The following GCSAML variants were observed in gnomAD, a reference collection of about 807,000 sequenced individuals.
The protein encoded by GCSAML is germinal center-associated signaling and motility-like protein.
A neutral mutation model predicts 13.0 loss-of-function variants in GCSAML; 9 were observed. The ratio of observed to expected loss-of-function variants is 0.69; its 90% CI spans 0.42 to 1.21. GCSAML has a LOEUF of 1.21. Among genes scored for constraint, GCSAML ranks in the 50% most tolerant of loss-of-function variants. The probability of loss-of-function intolerance (pLI) is 0.00; values close to 1 mark genes in which losing one functional copy is unlikely to be tolerated. For synonymous variants in GCSAML, 37 were observed against 52.9 expected, an observed-to-expected ratio of 0.70 and a Z score of 1.31; for missense variants, 143 against 153.4, an observed-to-expected ratio of 0.93 and a Z score of 0.36.
In GCSAML at chr1:247,567,791, C is replaced by G. The variant is rs796683320; in HGVS notation, c.168+1832C>G. On this transcript the variant is annotated intron_variant, in intron 4 of 4. Transcript: ENST00000366488. ...ATGGTTGAACTAGTTTATACTCCCACCAACAGTGTAAAAGCGTTCCTATTT... is the reference window on the plus strand; with the variant it reads ...ATGGTTGAACTAGTTTATACTCCCAGCAACAGTGTAAAAGCGTTCCTATTT... 7.9e-5 allele frequency among the ~76,000 whole-genome samples: 12 copies of G among 152,306 alleles called. No individual in the cohort carries two copies. In the East Asian group the frequency reaches 1.5e-3, roughly 20 times the overall value.
In GCSAML at chr1:247,532,130, A is replaced by C. The variant is rs1471481264; in HGVS notation, c.-148+5076A>C. On this transcript the variant is annotated intron_variant, in intron 2 of 5. Coordinates refer to the GCSAML transcript ENST00000366489. ...ATGACAGTGTAATGGAGTGGCCTGCAGATGGCAGCGTAGCGGTCATAGGAC... is the reference window on the plus strand; with the variant it reads ...ATGACAGTGTAATGGAGTGGCCTGCCGATGGCAGCGTAGCGGTCATAGGAC... 5 of 1,614,008 alleles carry C rather than the reference A, an allele frequency of 3.1e-6. No homozygotes were observed. In the Admixed American group the frequency reaches 8.3e-5, roughly 27 times the overall value.
upstream of GCSAML, among the ~76,000 whole-genome samples, chr1:247,545,561 A>G (rs1276502095): frequency 2.0e-5 from 3 of 152,236 alleles, no homozygotes; most frequent in Non-Finnish European, 4.4e-5. Context: ...AAATGTATTT[A>G]ATCATAGTCA....
chr1:247,560,161 TTAGA>T (rs1668075472), intron 2 of GCSAML, among the ~76,000 whole-genome samples: 1 of 152,190 alleles, frequency 6.6e-6, no homozygotes, highest in African/African-American at 2.4e-5. Flanking sequence ...CAGCCCGGAC[TTAGA>T]TAGGTTTGGA....
At chr1:247,528,390 G>A (rs6692111) in intron 2 of GCSAML, 144,370 of 152,254 alleles carry the variant, frequency 0.95, 68,908 homozygotes, top group South Asian at 1. Flanking sequence ...TGGTGAGAGC[G>A]TTCAAAATCC....
chr1:247,565,012 C>G (rs1476702085), intron 3 of GCSAML, among the ~76,000 whole-genome samples: 1 of 152,126 alleles, frequency 6.6e-6, no homozygotes, highest in Admixed American at 6.6e-5. Flanking sequence ...CAGAAATGGA[C>G]AAATGAGATC....
chr1:247,515,101 G>A (rs1462240379), intron 1 of GCSAML, among the ~76,000 whole-genome samples: 13 of 152,142 alleles, frequency 8.5e-5, no homozygotes, highest in African/African-American at 2.4e-4. Context: ...AGCATGGGAT[G>A]TGTTTCCATT....
chr1:247,544,686 C>T (rs1216707517), upstream of GCSAML, among the ~76,000 whole-genome samples: 1 of 150,980 alleles, frequency 6.6e-6, no homozygotes, highest in Non-Finnish European at 1.5e-5. Context: ...CTGTCTCTAC[C>T]AAAAAAAACA....
chr1:247,531,913 A>G, intron 2 of GCSAML: 1 of 1,614,190 alleles, frequency 6.2e-7, no homozygotes, highest in Non-Finnish European at 8.5e-7. Context: ...GGCCAGGTAC[A>G]TCTCCATCTC....
At chr1:247,556,730 T>A (rs1032853110) in intron 2 of GCSAML, among the ~76,000 whole-genome samples, 1 of 152,174 alleles carries the variant, frequency 6.6e-6, no homozygotes, top group African/African-American at 2.4e-5. Flanking sequence ...AAAGGATGTT[T>A]GGTTTTGGTT....
chr1:247,516,975 C>A (rs1307177293), intron 1 of GCSAML, among the ~76,000 whole-genome samples: 4 of 152,168 alleles, frequency 2.6e-5, no homozygotes, highest in Non-Finnish European at 4.4e-5. Flanking sequence ...GGTCATAAGA[C>A]ATACTTACTA....
At chr1:247,568,551 A>C (rs1182056789) in intron 4 of GCSAML, among the ~76,000 whole-genome samples, 2 of 152,186 alleles carry the variant, frequency 1.3e-5, no homozygotes, top group Non-Finnish European at 2.9e-5. Context: ...TTTTGGTAGC[A>C]GTACCATGCT....
At chr1:247,559,461 G>A (rs1305044400) in intron 2 of GCSAML, among the ~76,000 whole-genome samples, 3 of 151,506 alleles carry the variant, frequency 2.0e-5, no homozygotes, top group Admixed American at 1.3e-4. Context: ...CTGAAATGAC[G>A]GCCTTGCTAA....
chr1:247,568,812 T>C (rs1298644484), intron 4 of GCSAML, among the ~76,000 whole-genome samples: 1 of 152,234 alleles, frequency 6.6e-6, no homozygotes, highest in African/African-American at 2.4e-5. Context: ...TCCATGAGCA[T>C]GGAGTGTTTT....
intron 2 of GCSAML, chr1:247,528,730 A>T (rs1360104699): frequency 2.6e-5 from 4 of 152,260 alleles, no homozygotes; most frequent in Admixed American, 2.6e-4. Context: ...GCACTGATTT[A>T]GGAGCATTGG....
At position 247,532,424 on chromosome 1, in the gene GCSAML, T is replaced by G. The variant is rs76297624; in HGVS notation, c.-148+5370T>G. 339 of 1,614,044 alleles carry G rather than the reference T, an allele frequency of 2.1e-4. 2 individuals carry two copies. The African/African-American group carries it at 3.5e-3, about 17-fold the overall frequency. On this transcript the variant is annotated intron_variant, in intron 2 of 5. Transcript: ENST00000366489. ...ACCATGTAAAAACTCAAGACAACTATGAAGAGGACAGTTTCTAGTGAGGGT... is the reference window on the plus strand; with the variant it reads ...ACCATGTAAAAACTCAAGACAACTAGGAAGAGGACAGTTTCTAGTGAGGGT...
At chr1:247,534,786 A>G (rs1667151540) in intron 2 of GCSAML, among the ~76,000 whole-genome samples, 1 of 152,192 alleles carries the variant, frequency 6.6e-6, no homozygotes, top group Admixed American at 6.5e-5. Context: ...AGACATGAAC[A>G]GACATGTGCA....
In GCSAML at chr1:247,534,678, G is replaced by A. The variant is rs77204638; in HGVS notation, c.-148+7624G>A. Among the ~76,000 whole-genome samples, 537 of 152,250 alleles carry A rather than the reference G, an allele frequency of 3.5e-3. 6 individuals are homozygous for A. Among genetic ancestry groups the A allele is most frequent in the African/African-American group, 0.013 (522 of 41,532 alleles). On this transcript the variant is annotated intron_variant, in intron 2 of 5. Transcript: ENST00000366489. ...TTATAGTTAAGATTCACCCAGATTAGGGGAACAGAGCAGCTGTGAACTTAA... is the reference window on the plus strand; with the variant it reads ...TTATAGTTAAGATTCACCCAGATTAAGGGAACAGAGCAGCTGTGAACTTAA...
intron 1 of GCSAML, among the ~76,000 whole-genome samples, chr1:247,551,711 A>G (rs1373158296): frequency 6.6e-6 from 1 of 152,252 alleles, no homozygotes; most frequent in Non-Finnish European, 1.5e-5. Flanking sequence ...TATGTGACAC[A>G]GGAACCTCAG....
At chr1:247,528,431 C>CA (rs1202069359) in intron 2 of GCSAML, 1 of 152,154 alleles carries the variant, frequency 6.6e-6, no homozygotes, top group Non-Finnish European at 1.5e-5. Context: ...ACCTAGAAGA[C>CA]ATTGTGTTAA....
Sources: gnomAD v4.1 joint callset for allele counts (sites outside exome capture counted in the v4.1 genomes callset) on GRCh38, gnomAD v4.1.1 for gene constraint, MANE v1.5 for transcripts, NCBI Gene and HGNC (gene_info 2026-07-23, HGNC 2026-07-21) for gene names.